The following HIBCH variants were observed in gnomAD, a reference collection of about 807,000 sequenced individuals.
The protein encoded by HIBCH is 3-hydroxyisobutyryl-CoA hydrolase, mitochondrial.
A neutral mutation model predicts 58.2 loss-of-function variants in HIBCH; 50 were observed. That is an observed-to-expected ratio of 0.86 (90% CI 0.68 to 1.09). The LOEUF (loss-of-function observed/expected upper bound fraction) is 1.09, where lower values mean the gene tolerates loss of function less well. Ranked by LOEUF, HIBCH falls within the 50% of genes least tolerant of loss-of-function variation. The pLI, the probability that HIBCH is intolerant of heterozygous loss-of-function variation, is 0.00. For missense variants in HIBCH, 450 were observed against 449.7 expected (o/e 1.00, Z -0.01); for synonymous variants, 151 against 146.9 (o/e 1.03, Z -0.20).
rs137901868 is a variant in HIBCH at position 190,205,932 on chromosome 2, T to C, written c.1046-700A>G. Among the ~76,000 whole-genome samples the C allele has an allele frequency of 4.2e-3, 647 of 152,276 alleles. 1 individual carries two copies. Among genetic ancestry groups the C allele is most frequent in the Admixed American group, 7.1e-3 (108 of 15,288 alleles). On this transcript the variant is annotated intron_variant, in intron 13 of 13. Coordinates refer to ENST00000359678, the MANE Select transcript of HIBCH (RefSeq NM_014362.4). ...ACACACACGTTATCATTTGGGAGAC[T>C]GGGTGGAAGGTATGCAAGATCTCTA...
chr2:190,228,153 A>G (rs1252126488), intron 11 of HIBCH, among the ~76,000 whole-genome samples: 1 of 152,158 alleles, frequency 6.6e-6, no homozygotes, highest in Non-Finnish European at 1.5e-5. Context: ...AACCAACCCA[A>G]ATGTCCAACA....
rs1354564032 is a variant in HIBCH at position 190,216,527 on chromosome 2, G to C, written c.892-3452C>G. Among the ~76,000 whole-genome samples the C allele has an allele frequency of 6.6e-6, 1 of 151,988 alleles. No homozygotes were observed. The highest frequency in any genetic ancestry group is 6.6e-5 in the Admixed American group (1 of 15,258). On this transcript the variant is annotated intron_variant, in intron 11 of 13. Coordinates refer to ENST00000359678, the MANE Select transcript of HIBCH (RefSeq NM_014362.4). The surrounding 1 kb of genome is among the most constrained non-coding windows in gnomAD (Gnocchi z 4.2). ...AGGGCCAGTAAATGATGAGAAGGAGGGCTGCAGGGCTGTGTGGGGACTGTG... is the reference window on the plus strand; with the variant it reads ...AGGGCCAGTAAATGATGAGAAGGAGCGCTGCAGGGCTGTGTGGGGACTGTG...
chr2:190,252,964 A>C (rs1458673606), intron 7 of HIBCH, among the ~76,000 whole-genome samples: 1 of 152,138 alleles, frequency 6.6e-6, no homozygotes, highest in Non-Finnish European at 1.5e-5. Flanking sequence ...CAAGACAGGC[A>C]GATCACCTGA....
At chr2:190,223,215 C>A (rs370031388) in intron 11 of HIBCH, among the ~76,000 whole-genome samples, 2 of 152,224 alleles carry the variant, frequency 1.3e-5, no homozygotes, top group South Asian at 2.1e-4. Flanking sequence ...CACATGTATA[C>A]CTATGTAATA....
At position 190,314,415 on chromosome 2, in the gene HIBCH, A is replaced by G. The variant is rs28409850; in HGVS notation, c.36-3619T>C. Among the ~76,000 whole-genome samples the G allele has an allele frequency of 6.2e-3, 921 of 148,108 alleles. 10 individuals carry two copies. The highest frequency in any genetic ancestry group is 0.022 in the African/African-American group (869 of 40,076). ...TGTATATATATACGTATATATGTGT[A>G]TATATATATACACACACAACCAAAT... On this transcript the variant is annotated intron_variant, in intron 1 of 13. Transcript: ENST00000359678.
intron 11 of HIBCH, among the ~76,000 whole-genome samples, chr2:190,229,878 A>G (rs1312890846): frequency 2.6e-5 from 4 of 152,028 alleles, no homozygotes; most frequent in Non-Finnish European, 5.9e-5. Context: ...AAAACAGTCT[A>G]TCTAATCACT....
chr2:190,313,191 T>C (rs368400545), intron 1 of HIBCH, among the ~76,000 whole-genome samples: 3 of 152,294 alleles, frequency 2.0e-5, no homozygotes, highest in Middle Eastern at 3.4e-3. Flanking sequence ...TACGTAACTA[T>C]TGGACATGCT....
At chr2:190,275,205 G>C (rs919852608) in intron 6 of HIBCH, among the ~76,000 whole-genome samples, 1 of 152,162 alleles carries the variant, frequency 6.6e-6, no homozygotes, top group Non-Finnish European at 1.5e-5. Flanking sequence ...AGGAAGACTA[G>C]GAGGGAGAGA....
intron 7 of HIBCH, among the ~76,000 whole-genome samples, chr2:190,253,708 C>T (rs890435784): frequency 1.3e-5 from 2 of 152,284 alleles, no homozygotes; most frequent in South Asian, 4.1e-4. Flanking sequence ...CCCATGGCTG[C>T]CTATTTCTCC....
chr2:190,274,345 G>A (rs1455455345), intron 6 of HIBCH, among the ~76,000 whole-genome samples: 2 of 152,166 alleles, frequency 1.3e-5, no homozygotes, highest in African/African-American at 4.8e-5. Flanking sequence ...TGTCTTCAAT[G>A]ACATTAATCA....
Position 190,279,981 on chromosome 2 carries a change from C to G in HIBCH, c.438+7605G>C, listed in dbSNP as rs932741896. 6.6e-6 allele frequency: 1 copy of G among 152,418 alleles called. No individual in the cohort carries two copies. The highest frequency in any genetic ancestry group is 2.4e-5 in the African/African-American group (1 of 41,434). 9.4% of individuals were successfully genotyped at this position (152,418 alleles called of 1,614,324 possible). On this transcript the variant is annotated intron_variant, in intron 6 of 13. Transcript: ENST00000359678. The surrounding 1 kb of genome is among the most constrained non-coding windows in gnomAD (Gnocchi z 4.2). The stretch of plus-strand genomic sequence containing the variant: ...CGCGTCAGGTTATAAATTACCCTGT[C>G]CCCTTTGTTCGCTGTACTCTTGTAG...
chr2:190,241,482 T>C (rs919351359), intron 11 of HIBCH, among the ~76,000 whole-genome samples: 2 of 152,244 alleles, frequency 1.3e-5, no homozygotes, highest in Non-Finnish European at 2.9e-5. Context: ...GTTAATATGG[T>C]TACATGTGAA....
At chr2:190,193,574 T>G (rs1458432531) in intron 1 of HIBCH, among the ~76,000 whole-genome samples, 1 of 152,190 alleles carries the variant, frequency 6.6e-6, no homozygotes, top group Non-Finnish European at 1.5e-5. Flanking sequence ...TTTCTTTAAT[T>G]GATGTAGGGC....
chr2:190,262,671 T>G (rs879525744), intron 6 of HIBCH, among the ~76,000 whole-genome samples: 8 of 152,206 alleles, frequency 5.3e-5, no homozygotes, highest in African/African-American at 2.4e-5. Context: ...CTCCACCTCC[T>G]GAACTCTATG....
intron 6 of HIBCH, among the ~76,000 whole-genome samples, chr2:190,270,993 G>T (rs147894884): frequency 6.6e-6 from 1 of 151,970 alleles, no homozygotes; most frequent in African/African-American, 2.4e-5. Context: ...ATAATTGAGA[G>T]AAAATATTTA....
In HIBCH at chr2:190,254,281, G is replaced by A. The variant is rs1686862446; in HGVS notation, c.518-1974C>T. Reference sequence around the variant, plus strand: ...CAACAGGACTGGTGTCCTTATAAGAGGAGGAAGAAACACAGGGATGCATGT... The same window carrying A: ...CAACAGGACTGGTGTCCTTATAAGAAGAGGAAGAAACACAGGGATGCATGT... On this transcript the variant is annotated intron_variant, in intron 7 of 13. Transcript: ENST00000359678. The surrounding 1 kb of genome is among the most constrained non-coding windows in gnomAD (Gnocchi z 5.0). 6.6e-6 allele frequency among the ~76,000 whole-genome samples: 1 copy of A among 152,024 alleles called. No individual in the cohort carries two copies. The highest frequency in any genetic ancestry group is 2.4e-5 in the African/African-American group (1 of 41,374).
At chr2:190,269,105 C>T (rs1053100709) in intron 6 of HIBCH, among the ~76,000 whole-genome samples, 37 of 152,234 alleles carry the variant, frequency 2.4e-4, no homozygotes, top group African/African-American at 7.9e-4. Flanking sequence ...AAGACTTAAA[C>T]GTAAGACCTA....
At chr2:190,225,968 A>G (rs1685880163) in intron 11 of HIBCH, among the ~76,000 whole-genome samples, 1 of 152,242 alleles carries the variant, frequency 6.6e-6, no homozygotes, top group South Asian at 2.1e-4. Flanking sequence ...GGTTCAACAT[A>G]CACAAATCAA....
chr2:190,219,668 C>T (rs1685660387), intron 11 of HIBCH, among the ~76,000 whole-genome samples: 1 of 152,150 alleles, frequency 6.6e-6, no homozygotes, highest in South Asian at 2.1e-4. Context: ...TAAAGCCCTG[C>T]CTAACAATCA....
Sources: gnomAD v4.1 joint callset for allele counts (sites outside exome capture counted in the v4.1 genomes callset) on GRCh38, gnomAD v4.1.1 for gene constraint, Gnocchi (gnomAD v3.1) non-coding constraint, MANE v1.5 for transcripts, NCBI Gene and HGNC (gene_info 2026-07-23, HGNC 2026-07-21) for gene names.